CYTL1: variants seen among roughly 807,000 people sequenced by gnomAD.
CYTL1 encodes the protein cytokine like 1.
A neutral mutation model predicts 13.1 loss-of-function variants in CYTL1; 17 were observed. The ratio of observed to expected loss-of-function variants is 1.29; its 90% CI spans 0.89 to 1.94. The LOEUF is 1.94. Ranked by LOEUF, CYTL1 falls within the 30% of genes most tolerant of loss-of-function variation. The probability of loss-of-function intolerance (pLI) is 0.00; values close to 1 mark genes in which losing one functional copy is unlikely to be tolerated. For missense variants in CYTL1, 213 were observed against 174.8 expected, an observed-to-expected ratio of 1.22 and a Z score of -1.23; for synonymous variants, 91 against 79.4, an observed-to-expected ratio of 1.15 and a Z score of -0.78.
Position 5,015,156 on chromosome 4 carries a change from G to A in CYTL1, c.406C>T (p.Arg136Cys), listed in dbSNP as rs11722554. Residue 136 changes from arginine (R) to cysteine (C), a missense_variant, in exon 4 of 4, where the codon CGC (arginine) becomes TGC (cysteine). Arg to Cys is a radical substitution (Grantham distance 180). Coordinates refer to ENST00000307746, the MANE Select transcript of CYTL1 (RefSeq NM_018659.3). ...TTTCTCTGGTCTCAGTTCCCTTAGC[G>A]CTGACGATCTGGCAGGACCGTAGTC... is the stretch of plus-strand genomic sequence containing the variant. ...PVTTVLPDRQ[R>C] The A allele has an allele frequency of 0.037, 59,889 of 1,613,042 alleles. 1,328 individuals carry two copies. The highest frequency in any genetic ancestry group is 0.044 in the South Asian group (3,984 of 90,952).
Position 5,015,071 on chromosome 4 carries a change from G to C in CYTL1, c.*80C>G, listed in dbSNP as rs922997999. ...ATACAACTAACACAAGACCTGTGAG[G>C]GTCATGGCTCTGGCCCATTAAGTCT... On this transcript the variant is annotated 3_prime_UTR_variant, in exon 4 of 4. Coordinates refer to ENST00000307746, the MANE Select transcript of CYTL1 (RefSeq NM_018659.3). 4 of 1,132,634 alleles carry C rather than the reference G, an allele frequency of 3.5e-6. No homozygotes were observed. Among genetic ancestry groups the C allele is most frequent in the Admixed American group, 1.7e-5 (1 of 57,292 alleles). The allele number at this position is 1,132,634 out of a possible 1,614,324, so 70.2% of individuals were successfully genotyped here.
intron 3 of CYTL1, among the ~76,000 whole-genome samples, chr4:5,015,848 G>C (rs1177329773): frequency 1.3e-5 from 2 of 152,156 alleles, no homozygotes; most frequent in African/African-American, 4.8e-5. Context: ...GGGAGTTACT[G>C]CAGTGCCCAC....
chr4:5,018,657 C>G (rs1487449266), intron 1 of CYTL1, among the ~76,000 whole-genome samples: 3 of 152,340 alleles, frequency 2.0e-5, no homozygotes, highest in Non-Finnish European at 4.4e-5. Context: ...CTCTGAAGAT[C>G]GTGCTCACAT....
At chr4:5,018,229 G>T (rs962883433) in intron 1 of CYTL1, among the ~76,000 whole-genome samples, 1 of 152,070 alleles carries the variant, frequency 6.6e-6, no homozygotes, top group Non-Finnish European at 1.5e-5. Flanking sequence ...CAACACACAC[G>T]TATTTGAATA....
intron 1 of CYTL1, among the ~76,000 whole-genome samples, chr4:5,017,492 T>C (rs1201989153): frequency 2.0e-5 from 3 of 152,234 alleles, no homozygotes; most frequent in Admixed American, 2.0e-4. Flanking sequence ...AACTGTAATA[T>C]AGAAATAGTG....
chr4:5,018,813 A>G lies in CYTL1; in HGVS notation c.153+480T>C, dbSNP rs1741131285. ...TTTACAGACAAGAAAACTGAAAGGC[A>G]GAGGCTGAGAAATTTGCCCGGGTCC... On this transcript the variant is annotated intron_variant, in intron 1 of 3. Coordinates refer to ENST00000307746, the MANE Select transcript of CYTL1 (RefSeq NM_018659.3). Among the ~76,000 whole-genome samples the G allele has an allele frequency of 2.0e-5, 3 of 152,318 alleles. No individual in the cohort carries two copies. The South Asian group carries it at 6.2e-4, about 32-fold the overall frequency.
intron 1 of CYTL1, 113 bp from the exon 2 acceptor site, chr4:5,017,292 C>G: frequency 2.1e-6 from 2 of 948,638 alleles, no homozygotes; most frequent in Middle Eastern, 2.2e-4. Flanking sequence ...GGGGCCCTCC[C>G]TGATGCTACG....
chr4:5,018,396 A>G (rs766876811), intron 1 of CYTL1, among the ~76,000 whole-genome samples: 2 of 152,254 alleles, frequency 1.3e-5, no homozygotes, highest in Admixed American at 6.5e-5. Context: ...TAGGGAAAAA[A>G]TACATGTTAT....
At chr4:5,018,388 G>C (rs1284250057) in intron 1 of CYTL1, among the ~76,000 whole-genome samples, 1 of 151,766 alleles carries the variant, frequency 6.6e-6, no homozygotes, top group African/African-American at 2.4e-5. Context: ...TTTATAATTA[G>C]GGAAAAAATA....
Position 5,015,043 on chromosome 4 carries a change from C to T in CYTL1, c.*108G>A. On this transcript the variant is annotated 3_prime_UTR_variant, in exon 4 of 4. Transcript: ENST00000307746. ...AAGGTAGAGAGATACATAACAGTTT[C>T]AGATACAACTAACACAAGACCTGTG... 1.1e-6 allele frequency: 1 copy of T among 909,260 alleles called. No homozygotes were observed. Among genetic ancestry groups the T allele is most frequent in the Non-Finnish European group, 1.8e-6 (1 of 559,606 alleles). 56.3% of individuals were successfully genotyped at this position (909,260 alleles called of 1,614,324 possible).
intron 2 of CYTL1, 62 bp from the exon 3 acceptor site, chr4:5,017,026 T>C (rs1445206231): frequency 2.3e-5 from 37 of 1,608,992 alleles, no homozygotes; most frequent in Non-Finnish European, 3.1e-5. Flanking sequence ...GAACAGGGAC[T>C]GAGCTGCATA....
At chr4:5,019,202 T>C (rs1741142835) in intron 1 of CYTL1, 91 bp downstream of exon 1, 1 of 1,156,306 alleles carries the variant, frequency 8.6e-7, no homozygotes. Context: ...TATCCTTTTC[T>C]CTCTCTCTCT....
intron 1 of CYTL1, among the ~76,000 whole-genome samples, chr4:5,018,939 C>G (rs1458627407): frequency 6.6e-6 from 1 of 151,834 alleles, no homozygotes; most frequent in Non-Finnish European, 1.5e-5. Flanking sequence ...TTCCTCCGTC[C>G]TCCTTAACTC....
chr4:5,019,375 G>T lies in CYTL1; in HGVS notation c.71C>A (p.Pro24His). The T allele has an allele frequency of 6.6e-7, 1 of 1,512,234 alleles. No homozygotes were observed. The highest frequency in any genetic ancestry group is 1.3e-5 in the South Asian group (1 of 77,650). 93.7% of individuals were successfully genotyped at this position (1,512,234 alleles called of 1,614,324 possible). A position where few individuals can be genotyped will look rare whatever the true frequency, so the allele number is the denominator to read the frequency against. Residue 24 changes from proline (P) to histidine (H), a missense_variant, in exon 1 of 4, where the codon CCC becomes CAC. Pro to His is a moderately conservative substitution (Grantham distance 77). Coordinates refer to ENST00000307746, the MANE Select transcript of CYTL1 (RefSeq NM_018659.3). ...LAGAPAARPT[P>H]PTCYSRMRAL... ...CCGCATGCGGGAGTAGCAGGTCGGG[G>T]GAGTGGGCCGCGCGGCGGGGGCTCC...
rs1741033392 is a variant in CYTL1, at chr4:5,014,795, A to G, written c.*356T>C. ...ATCAAGAAAGAATAAAAGTACCATT[A>G]CTCCATTAAACCAGTAATAAAAACA... On this transcript the variant is annotated 3_prime_UTR_variant, in exon 4 of 4. Transcript: ENST00000307746. 4.4e-6 allele frequency: 1 copy of G among 225,150 alleles called. No individual in the cohort carries two copies. Among genetic ancestry groups the G allele is most frequent in the African/African-American group, 2.3e-5 (1 of 42,570 alleles). 13.9% of individuals were successfully genotyped at this position (225,150 alleles called of 1,614,324 possible). A position where few individuals can be genotyped will look rare whatever the true frequency, so the allele number is the denominator to read the frequency against.
chr4:5,017,593 A>T (rs1188454706), intron 1 of CYTL1, among the ~76,000 whole-genome samples: 2 of 150,898 alleles, frequency 1.3e-5, no homozygotes, highest in Non-Finnish European at 3.0e-5. Flanking sequence ...TAACAGTTGT[A>T]TAAGTTAGTT....
Position 5,016,969 on chromosome 4 carries a change from G to T in CYTL1, c.199-5C>A, listed in dbSNP as rs1353616714. 2 of 1,614,054 alleles carry T rather than the reference G, an allele frequency of 1.2e-6. No individual in the cohort carries two copies. The highest frequency in any genetic ancestry group is 8.5e-7 in the Non-Finnish European group (1 of 1,180,030). On this transcript the variant is annotated splice_polypyrimidine_tract_variant and splice_region_variant and intron_variant, in intron 2 of 3. Coordinates refer to ENST00000307746, the MANE Select transcript of CYTL1 (RefSeq NM_018659.3). ...CTTGTCCAGCACACAGTAATTCTGG[G>T]AGTGGGCAATGGGGAGGGGGCTTGT...
In CYTL1 at chr4:5,016,950, C is replaced by T. The variant is rs1222320520; in HGVS notation, c.213G>A (p.Leu71=). The change falls in exon 3 of 4, where the codon CTG becomes CTA. Residue 71 remains leucine, a synonymous_variant. Transcript: ENST00000307746. ...AGGCCACAAAGTCCCGCAGCTTGTCCAGCACACAGTAATTCTGGGAGTGGG... is the reference window on the plus strand; with the variant it reads ...AGGCCACAAAGTCCCGCAGCTTGTCTAGCACACAGTAATTCTGGGAGTGGG... The part of the protein sequence containing the change: ...LYLDIHNYCV[L]DKLRDFVASP... 6.2e-7 allele frequency: 1 copy of T among 1,614,178 alleles called. No homozygotes were observed. The highest frequency in any genetic ancestry group is 1.1e-5 in the South Asian group (1 of 91,084).
rs1741038514 is a variant in CYTL1 at position 5,015,028 on chromosome 4, G to A, written c.*123C>T. On this transcript the variant is annotated 3_prime_UTR_variant, in exon 4 of 4. Transcript: ENST00000307746. The stretch of plus-strand genomic sequence containing the variant: ...AGCCCTGTTTTCCAGAAGGTAGAGA[G>A]ATACATAACAGTTTCAGATACAACT... The A allele has an allele frequency of 3.6e-6, 3 of 823,922 alleles. No homozygotes were observed. The South Asian group carries it at 4.4e-5, about 12-fold the overall frequency. The allele number at this position is 823,922 out of a possible 1,614,324, so 51.0% of individuals were successfully genotyped here.
Sources: gnomAD v4.1 joint callset for allele counts (sites outside exome capture counted in the v4.1 genomes callset) on GRCh38, gnomAD v4.1.1 for gene constraint, MANE v1.5 for transcripts, NCBI Gene and HGNC (gene_info 2026-07-23, HGNC 2026-07-21) for gene names.